Variants in NCKAP5 observed in about 807,000 individuals in gnomAD.
NCKAP5 encodes NCK associated protein 5, also known as nck-associated protein 5.
NCKAP5 carries 92 observed loss-of-function variants against 167.0 expected under a neutral mutation model. The observed-to-expected ratio is 0.55, with a 90% CI of 0.47 to 0.66. The LOEUF (loss-of-function observed/expected upper bound fraction) is 0.66, where lower values mean the gene tolerates loss of function less well. Among genes scored for constraint, NCKAP5 ranks in the 30% least tolerant of loss-of-function variants. NCKAP5 has a pLI of 0.00. For missense variants in NCKAP5, 2,378 were observed against 2,315.0 expected (o/e 1.03, Z -0.56); for synonymous variants, 891 against 877.4 (o/e 1.02, Z -0.27).
At chr2:133,539,944 G>A (rs768251550) in intron 2 of NCKAP5, among the ~76,000 whole-genome samples, 10 of 152,188 alleles carry the variant, frequency 6.6e-5, no homozygotes, top group Non-Finnish European at 1.0e-4. Context: ...ACTTTGGAAG[G>A]CCGAGGCAGG....
chr2:133,623,973 G>A, the NCKAP5 span, among the ~76,000 whole-genome samples: 1 of 152,112 alleles, frequency 6.6e-6, no homozygotes, highest in East Asian at 1.9e-4. Flanking sequence ...AAAAGGAATG[G>A]AATAATGGCA....
intron 8 of NCKAP5, among the ~76,000 whole-genome samples, chr2:132,893,152 C>T (rs1046654134): frequency 1.3e-5 from 2 of 152,194 alleles, no homozygotes; most frequent in African/African-American, 4.8e-5. Context: ...AAACATCTTA[C>T]ATGGCAAGCG....
chr2:132,674,062 C>T (rs976771596), intron 19 of NCKAP5, among the ~76,000 whole-genome samples: 3 of 152,050 alleles, frequency 2.0e-5, no homozygotes, highest in African/African-American at 4.8e-5. Context: ...TCAGTTGGCT[C>T]CTAAGGGCTA....
intron 16 of NCKAP5, among the ~76,000 whole-genome samples, chr2:132,740,211 C>G (rs1286429059): frequency 2.0e-5 from 3 of 152,140 alleles, no homozygotes; most frequent in African/African-American, 7.2e-5. Context: ...CAATGAGGCC[C>G]CAACATAATT....
chr2:133,163,176 T>C (rs1209754792), intron 5 of NCKAP5, among the ~76,000 whole-genome samples: 3 of 152,244 alleles, frequency 2.0e-5, no homozygotes, highest in Non-Finnish European at 2.9e-5. Context: ...ATTAAAGGGC[T>C]ATCATTCCAC....
chr2:133,329,826 T>C (rs1682707551), intron 3 of NCKAP5, among the ~76,000 whole-genome samples: 1 of 152,106 alleles, frequency 6.6e-6, no homozygotes, highest in Non-Finnish European at 1.5e-5. Context: ...CCAAGACCCC[T>C]CTTCTGTTCA....
intron 7 of NCKAP5, among the ~76,000 whole-genome samples, chr2:132,967,162 TACACACAC>T (rs149896546): frequency 0.045 from 6,427 of 141,778 alleles, 310 homozygotes; most frequent in African/African-American, 0.13. Flanking sequence ...TGCCCTATCG[TACACACAC>T]ACACACACAC....
intron 3 of NCKAP5, among the ~76,000 whole-genome samples, chr2:133,323,811 T>C (rs1295075189): frequency 6.6e-6 from 1 of 152,228 alleles, no homozygotes; most frequent in Non-Finnish European, 1.5e-5. Context: ...TGAGGCTCTG[T>C]GGACACCTGT....
chr2:133,102,750 C>CACAT (rs1359301632), intron 6 of NCKAP5, among the ~76,000 whole-genome samples: 4 of 127,576 alleles, frequency 3.1e-5, no homozygotes, highest in African/African-American at 8.4e-5. Flanking sequence ...TGTAAACACA[C>CACAT]ACACACACAC....
At chr2:133,445,125 A>G (rs895098417) in intron 3 of NCKAP5, among the ~76,000 whole-genome samples, 4 of 152,194 alleles carry the variant, frequency 2.6e-5, no homozygotes, top group African/African-American at 9.6e-5. Flanking sequence ...CAAAAATATC[A>G]GGCAATTTAA....
chr2:133,642,494 G>C, the NCKAP5 span, among the ~76,000 whole-genome samples: 850 of 152,276 alleles, frequency 5.6e-3, 11 homozygotes, highest in African/African-American at 0.02. Context: ...TCACAGAAGA[G>C]TATGAATCAG....
At position 133,271,649 on chromosome 2, in the gene NCKAP5, C is replaced by T. The variant is rs187293093; in HGVS notation, c.143+31388G>A. ...ATAGAGAATTAAAAAAGTAGAGGCACTATCATAGATTGAAAGAGACGTGAC... is the reference window on the plus strand; with the variant it reads ...ATAGAGAATTAAAAAAGTAGAGGCATTATCATAGATTGAAAGAGACGTGAC... On this transcript the variant is annotated intron_variant, in intron 4 of 19. Transcript: ENST00000409261. 5.9e-5 allele frequency among the ~76,000 whole-genome samples: 9 copies of T among 152,224 alleles called. No individual in the cohort carries two copies. In the East Asian group the frequency reaches 1.7e-3, roughly 29 times the overall value.
chr2:133,636,631 T>C, the NCKAP5 span, among the ~76,000 whole-genome samples: 14 of 152,206 alleles, frequency 9.2e-5, no homozygotes, highest in African/African-American at 3.1e-4. Flanking sequence ...CCTATCTCAC[T>C]AGCAAAGAAG....
the NCKAP5 span, among the ~76,000 whole-genome samples, chr2:133,636,331 G>T: frequency 6.6e-6 from 1 of 152,184 alleles, no homozygotes; most frequent in Non-Finnish European, 1.5e-5. Context: ...AAGACAGCCA[G>T]CAAAGAACAC....
chr2:132,959,320 A>C (rs2076438890), intron 8 of NCKAP5, among the ~76,000 whole-genome samples: 1 of 152,146 alleles, frequency 6.6e-6, no homozygotes, highest in African/African-American at 2.4e-5. Flanking sequence ...ATTTTTCTGC[A>C]CAAAATAAAT....
intron 3 of NCKAP5, among the ~76,000 whole-genome samples, chr2:133,463,420 T>G (rs1692325871): frequency 2.0e-5 from 3 of 152,248 alleles, no homozygotes; most frequent in Admixed American, 2.0e-4. Flanking sequence ...AAATCCACTC[T>G]GAACATTCCT....
At chr2:132,895,467 T>C (rs1021779879) in intron 8 of NCKAP5, among the ~76,000 whole-genome samples, 2 of 152,108 alleles carry the variant, frequency 1.3e-5, no homozygotes, top group Admixed American at 6.5e-5. Context: ...TTCAGTTTTG[T>C]ATATATGCAG....
intron 8 of NCKAP5, among the ~76,000 whole-genome samples, chr2:132,924,597 C>T (rs973433383): frequency 1.3e-5 from 2 of 152,114 alleles, no homozygotes; most frequent in Non-Finnish European, 2.9e-5. Context: ...AAAATACAAA[C>T]AGGCATAATT....
chr2:132,908,055 C>T (rs922980210), intron 8 of NCKAP5, among the ~76,000 whole-genome samples: 1 of 152,178 alleles, frequency 6.6e-6, no homozygotes, highest in African/African-American at 2.4e-5. Flanking sequence ...TAAGCAACTC[C>T]TCCTATACCT....
Sources: gnomAD v4.1 joint callset for allele counts (sites outside exome capture counted in the v4.1 genomes callset) on GRCh38, gnomAD v4.1.1 for gene constraint, MANE v1.5 for transcripts, NCBI Gene and HGNC (gene_info 2026-07-23, HGNC 2026-07-21) for gene names.